FOCAD: variants seen among roughly 807,000 people sequenced by gnomAD.
FOCAD encodes the protein KIAA1797.
In FOCAD, 198 loss-of-function variants were observed where a neutral mutation model predicts 225.6. The observed-to-expected ratio is 0.88, with a 90% CI of 0.78 to 0.99. The LOEUF (loss-of-function observed/expected upper bound fraction) is 0.99, where lower values mean the gene tolerates loss of function less well. Among genes scored for constraint, FOCAD ranks in the 50% least tolerant of loss-of-function variants. FOCAD has a pLI of 0.00. For synonymous variants in FOCAD, 897 were observed against 755.0 expected (o/e 1.19, Z -3.08); for missense variants, 2,713 against 2,123.6 (o/e 1.28, Z -5.46).
chr9:20,867,078 A>C, intron 18 of FOCAD, 66 bp downstream of exon 18: 15 of 996,304 alleles, frequency 1.5e-5, no homozygotes, highest in African/African-American at 3.3e-5. Context: ...TTTCTCTCTC[A>C]TCTTAGGAGA....
intron 26 of FOCAD, chr9:20,928,845 A>G (rs957039028): frequency 1.3e-5 from 2 of 152,478 alleles, no homozygotes; most frequent in African/African-American, 2.4e-5. Context: ...AGATGTGCCA[A>G]TAGATCCCTG....
chr9:20,882,846 G>C (rs912875349), intron 20 of FOCAD, among the ~76,000 whole-genome samples: 2 of 152,174 alleles, frequency 1.3e-5, no homozygotes, highest in African/African-American at 4.8e-5. Context: ...GAAAATTTCT[G>C]AGAGCAGACC....
intron 15 of FOCAD, among the ~76,000 whole-genome samples, chr9:20,824,562 C>G (rs971313945): frequency 2.6e-5 from 4 of 152,012 alleles, no homozygotes; most frequent in African/African-American, 9.7e-5. Context: ...TGACTTTCCT[C>G]ATTCCATTTC....
intron 2 of FOCAD, 135 bp downstream of exon 2, chr9:20,715,545 A>G (rs1156667609): frequency 2.8e-6 from 1 of 360,238 alleles, no homozygotes; most frequent in Admixed American, 4.7e-5. Flanking sequence ...ACAACTTTAA[A>G]TATACATTTA....
At chr9:20,908,591 T>C (rs1215258832) in intron 22 of FOCAD, among the ~76,000 whole-genome samples, 1 of 152,068 alleles carries the variant, frequency 6.6e-6, no homozygotes, top group East Asian at 1.9e-4. Context: ...TTTAAAGATG[T>C]TCCTTTGGAA....
chr9:20,955,522 C>CTTT (rs10715548), intron 35 of FOCAD, among the ~76,000 whole-genome samples: 1 of 136,566 alleles, frequency 7.3e-6, no homozygotes, highest in African/African-American at 2.7e-5. Context: ...ATAACTGGGT[C>CTTT]TTTTTTTTTT....
At chr9:20,924,323 C>T (rs1003833308) in intron 25 of FOCAD, among the ~76,000 whole-genome samples, 2 of 152,152 alleles carry the variant, frequency 1.3e-5, no homozygotes, top group Non-Finnish European at 2.9e-5. Context: ...TAGCTGTCAT[C>T]ATCTAGAGAT....
intron 15 of FOCAD, among the ~76,000 whole-genome samples, chr9:20,835,062 T>C (rs1054045335): frequency 1.3e-5 from 2 of 151,938 alleles, no homozygotes; most frequent in South Asian, 2.1e-4. Flanking sequence ...CCTTGGTCTC[T>C]ATTTTAATTG....
At chr9:20,781,651 A>G in intron 9 of FOCAD, 76 bp from the exon 10 acceptor site, 1 of 1,344,388 alleles carries the variant, frequency 7.4e-7, no homozygotes, top group South Asian at 1.2e-5. Context: ...CTTGCATATC[A>G]TTCTTAAGCA....
chr9:20,942,205 G>C (rs1449562536), intron 28 of FOCAD, among the ~76,000 whole-genome samples: 1 of 152,154 alleles, frequency 6.6e-6, no homozygotes, highest in Non-Finnish European at 1.5e-5. Flanking sequence ...TTATAACGTT[G>C]CTCAGGTTAT....
chr9:20,655,713 C>G (rs954000674), upstream of FOCAD, among the ~76,000 whole-genome samples: 2 of 152,164 alleles, frequency 1.3e-5, no homozygotes, highest in Non-Finnish European at 2.9e-5. Context: ...TTTGTTGATC[C>G]TTTCAAAAAA....
At chr9:20,740,802 G>A (rs1171076815) in intron 5 of FOCAD, among the ~76,000 whole-genome samples, 1 of 152,040 alleles carries the variant, frequency 6.6e-6, no homozygotes, top group African/African-American at 2.4e-5. Context: ...CCTTTTCTTT[G>A]TCATCTGTAG....
chr9:20,673,233 T>A (rs1340536369), intron 2 of FOCAD, among the ~76,000 whole-genome samples: 2 of 152,214 alleles, frequency 1.3e-5, no homozygotes, highest in Non-Finnish European at 2.9e-5. Context: ...TATGAACATT[T>A]TAATACAAGC....
chr9:20,824,766 A>G (rs368976541), intron 15 of FOCAD, among the ~76,000 whole-genome samples: 2 of 152,156 alleles, frequency 1.3e-5, no homozygotes, highest in African/African-American at 2.4e-5. Context: ...TCACATAGGT[A>G]TTAATAATAA....
At chr9:20,865,065 C>T (rs968523494) in intron 16 of FOCAD, among the ~76,000 whole-genome samples, 3 of 152,024 alleles carry the variant, frequency 2.0e-5, no homozygotes, top group African/African-American at 4.8e-5. Context: ...CCTTTGTTTT[C>T]GCATTATACC....
chr9:20,902,722 T>G (rs888641644), intron 21 of FOCAD, among the ~76,000 whole-genome samples: 8 of 151,984 alleles, frequency 5.3e-5, no homozygotes, highest in Admixed American at 4.6e-4. Flanking sequence ...ACATATATAT[T>G]AAATATTTCA....
Position 20,764,941 on chromosome 9 carries a change from A to G in FOCAD, c.567A>G (p.Gln189=), listed in dbSNP as rs940174304. ...WYLYCEPSQL[Q]EYAKLRLALL... The stretch of plus-strand genomic sequence containing the variant: ...TGTATTGTGAACCATCTCAGTTACA[A>G]GAATATGCTAAACTCCGACTAGCCC... The change falls in exon 7 of 44, where the codon CAA becomes CAG. Residue 189 remains glutamine (Q), a synonymous_variant. Transcript: ENST00000338382. 11 of 1,614,040 alleles carry G rather than the reference A, an allele frequency of 6.8e-6. No individual in the cohort carries two copies. Among genetic ancestry groups the G allele is most frequent in the African/African-American group, 2.7e-5 (2 of 74,938 alleles).
chr9:20,952,940 C>G (rs1476107143), intron 34 of FOCAD, 45 bp from the exon 35 acceptor site: 10 of 1,467,770 alleles, frequency 6.8e-6, no homozygotes, highest in Non-Finnish European at 9.5e-6. Context: ...CTTCATTAGT[C>G]CTGCCAAGTT....
At chr9:20,779,900 A>G (rs1336834665) in intron 9 of FOCAD, among the ~76,000 whole-genome samples, 1 of 152,126 alleles carries the variant, frequency 6.6e-6, no homozygotes, top group African/African-American at 2.4e-5. Context: ...CTTGGCTCCT[A>G]GGCTTTGATT....
Sources: gnomAD v4.1 joint callset for allele counts (sites outside exome capture counted in the v4.1 genomes callset) on GRCh38, gnomAD v4.1.1 for gene constraint, MANE v1.5 for transcripts, NCBI Gene and HGNC (gene_info 2026-07-23, HGNC 2026-07-21) for gene names.